The following RYR3 variants were observed in gnomAD, a reference collection of about 807,000 sequenced individuals.
RYR3 encodes brain ryanodine receptor-calcium release channel.
In RYR3, 207 loss-of-function variants were observed where a neutral mutation model predicts 584.3. That is an observed-to-expected ratio of 0.35 (90% CI 0.32 to 0.40). The LOEUF (loss-of-function observed/expected upper bound fraction) is 0.40. RYR3 is among the 10% of genes least tolerant of loss of function. The probability of loss-of-function intolerance (pLI) is 1.00; values close to 1 mark genes in which losing one functional copy is unlikely to be tolerated. For missense variants in RYR3, 5,616 were observed against 6,089.2 expected, an observed-to-expected ratio of 0.92 and a Z score of 2.59; for synonymous variants, 2,416 against 2,248.5, an observed-to-expected ratio of 1.07 and a Z score of -2.11.
intron 1 of RYR3, among the ~76,000 whole-genome samples, chr15:33,472,121 T>C (rs1404156322): frequency 3.9e-5 from 6 of 152,222 alleles, no homozygotes; most frequent in Non-Finnish European, 5.9e-5. Context: ...CTCACTTAGA[T>C]AATGAACAGT....
At chr15:33,464,441 A>G (rs1159975539) in intron 1 of RYR3, among the ~76,000 whole-genome samples, 1 of 137,564 alleles carries the variant, frequency 7.3e-6, no homozygotes, top group African/African-American at 2.7e-5. Context: ...GAGTTACAGA[A>G]GAGAGACTGT....
At chr15:33,588,271 A>G (rs560520979) in intron 16 of RYR3, among the ~76,000 whole-genome samples, 1 of 152,196 alleles carries the variant, frequency 6.6e-6, no homozygotes, top group Non-Finnish European at 1.5e-5. Flanking sequence ...CCACACAGCT[A>G]ATTAATGACA....
intron 1 of RYR3, among the ~76,000 whole-genome samples, chr15:33,315,222 T>C (rs544643150): frequency 6.6e-6 from 1 of 152,130 alleles, no homozygotes; most frequent in Non-Finnish European, 1.5e-5. Flanking sequence ...CTCTCGTCCC[T>C]CCCCAGAGCG....
At chr15:33,397,021 T>C (rs1253541157) in intron 1 of RYR3, among the ~76,000 whole-genome samples, 1 of 152,128 alleles carries the variant, frequency 6.6e-6, no homozygotes, top group African/African-American at 2.4e-5. Flanking sequence ...TGCAGAAAAA[T>C]TGGAGCTTCT....
intron 31 of RYR3, 64 bp from the exon 32 acceptor site, chr15:33,652,654 C>T: frequency 2.0e-6 from 3 of 1,521,320 alleles, no homozygotes; most frequent in Admixed American, 2.0e-5. Flanking sequence ...TCATTTCATT[C>T]CTGAGTCTTG....
intron 43 of RYR3, among the ~76,000 whole-genome samples, chr15:33,712,234 A>G (rs2067174034): frequency 6.6e-6 from 1 of 152,192 alleles, no homozygotes; most frequent in South Asian, 2.1e-4. Flanking sequence ...ATCTGTCCCC[A>G]TGATTCAAAC....
At chr15:33,763,971 A>G (rs1178228905) in intron 60 of RYR3, among the ~76,000 whole-genome samples, 4 of 150,718 alleles carry the variant, frequency 2.7e-5, no homozygotes, top group Non-Finnish European at 5.9e-5. Flanking sequence ...ATGCTTTTAC[A>G]CTGTTGGTGG....
intron 74 of RYR3, among the ~76,000 whole-genome samples, chr15:33,814,618 G>A (rs762342684): frequency 2.6e-5 from 4 of 152,074 alleles, no homozygotes; most frequent in East Asian, 3.9e-4. Flanking sequence ...GATGGTCTCC[G>A]CCGGGCGCAG....
chr15:33,686,145 T>A (rs1397587291), intron 38 of RYR3, among the ~76,000 whole-genome samples: 1 of 151,936 alleles, frequency 6.6e-6, no homozygotes, highest in Non-Finnish European at 1.5e-5. Context: ...AAAAAATCAA[T>A]CCAGGAGCTG....
intron 67 of RYR3, among the ~76,000 whole-genome samples, chr15:33,797,065 G>C (rs1359126723): frequency 6.6e-6 from 1 of 152,154 alleles, no homozygotes; most frequent in Non-Finnish European, 1.5e-5. Context: ...TGTCCACATG[G>C]ACCTAGACTG....
chr15:33,533,167 C>A, intron 4 of RYR3, 144 bp from the exon 5 acceptor site: 3 of 596,848 alleles, frequency 5.0e-6, no homozygotes, highest in Non-Finnish European at 9.0e-6. Context: ...AAGGCATTTA[C>A]CAATTAACTT....
intron 2 of RYR3, among the ~76,000 whole-genome samples, chr15:33,477,877 G>GAAAAA (rs58200056): frequency 6.2e-4 from 39 of 62,602 alleles, no homozygotes; most frequent in Non-Finnish European, 9.7e-4. Context: ...TCTGTCTCAA[G>GAAAAA]AAAAAAAAAA....
chr15:33,427,728 A>G (rs969779945), intron 1 of RYR3, among the ~76,000 whole-genome samples: 4 of 152,214 alleles, frequency 2.6e-5, no homozygotes, highest in Non-Finnish European at 4.4e-5. Context: ...TGGTATCACA[A>G]TGAAAGCCAG....
chr15:33,410,447 C>G (rs2043321491), intron 1 of RYR3, among the ~76,000 whole-genome samples: 1 of 152,210 alleles, frequency 6.6e-6, no homozygotes, highest in African/African-American at 2.4e-5. Flanking sequence ...CAAGTTTAGA[C>G]AAACTTTTTG....
chr15:33,717,749 G>A (rs1488065048), intron 43 of RYR3, among the ~76,000 whole-genome samples: 2 of 152,200 alleles, frequency 1.3e-5, no homozygotes, highest in Admixed American at 1.3e-4. Flanking sequence ...GTCTGCGGGG[G>A]TGGCTCTGTT....
At chr15:33,807,310 G>A (rs1401179792) in intron 69 of RYR3, among the ~76,000 whole-genome samples, 1 of 152,138 alleles carries the variant, frequency 6.6e-6, no homozygotes, top group Non-Finnish European at 1.5e-5. Flanking sequence ...ACTCTAGAAG[G>A]CTGCTTCTGG....
chr15:33,601,650 C>G, intron 17 of RYR3, 98 bp downstream of exon 17: 1 of 1,312,548 alleles, frequency 7.6e-7, no homozygotes, highest in Non-Finnish European at 1.1e-6. Context: ...AAGTTGCCCA[C>G]CCATTGTTTC....
intron 27 of RYR3, among the ~76,000 whole-genome samples, chr15:33,640,769 C>T (rs937536472): frequency 7.9e-5 from 12 of 152,160 alleles, no homozygotes; most frequent in African/African-American, 2.4e-4. Context: ...ACATCTTGGC[C>T]GAAGACTGTG....
chr15:33,444,223 C>G (rs1312261223), intron 1 of RYR3, among the ~76,000 whole-genome samples: 1 of 152,132 alleles, frequency 6.6e-6, no homozygotes, highest in Non-Finnish European at 1.5e-5. Flanking sequence ...ACAGGTGACA[C>G]TAATTATTCT....
Sources: allele counts gnomAD v4.1 joint callset (sites outside exome capture counted in the v4.1 genomes callset), GRCh38; gene constraint gnomAD v4.1.1; transcripts MANE v1.5; gene names NCBI Gene and HGNC (gene_info 2026-07-23, HGNC 2026-07-21).